The following INTS7 variants were observed in gnomAD, a reference collection of about 807,000 sequenced individuals.
INTS7 encodes the protein integrator complex subunit 7, also known as chromosome 1 open reading frame 73.
In INTS7, 46 loss-of-function variants were observed where a neutral mutation model predicts 109.2. That is an observed-to-expected ratio of 0.42 (90% confidence interval 0.33 to 0.54). The LOEUF (loss-of-function observed/expected upper bound fraction) is 0.54. Ranked by LOEUF, INTS7 falls within the 20% of genes least tolerant of loss-of-function variation. The pLI, the probability that INTS7 is intolerant of heterozygous loss-of-function variation, is 0.07. For missense variants in INTS7, 929 were observed against 1,132.4 expected, an observed-to-expected ratio of 0.82 and a Z score of 2.58; for synonymous variants, 412 against 402.9, an observed-to-expected ratio of 1.02 and a Z score of -0.27.
intron 1 of INTS7, among the ~76,000 whole-genome samples, chr1:212,022,129 C>T (rs1378747236): frequency 6.6e-6 from 1 of 152,102 alleles, no homozygotes; most frequent in Non-Finnish European, 1.5e-5. Context: ...GAATCAACCT[C>T]CACCCTTAAC....
At chr1:211,955,849 C>T (rs1301015905) in intron 16 of INTS7, among the ~76,000 whole-genome samples, 1 of 152,200 alleles carries the variant, frequency 6.6e-6, no homozygotes, top group African/African-American at 2.4e-5. Flanking sequence ...TTCACATTTG[C>T]TGGGCTCCAA....
intron 4 of INTS7, 108 bp downstream of exon 4, chr1:212,016,778 T>A: frequency 1.2e-6 from 1 of 845,794 alleles, no homozygotes; most frequent in South Asian, 1.7e-5. Context: ...CCTTGTAATT[T>A]ACACTTTCCT....
At position 211,946,725 on chromosome 1, in the gene INTS7, A is replaced by T. The variant is rs1662864585; in HGVS notation, c.2317-20T>A. The T allele has an allele frequency of 1.9e-6, 3 of 1,542,258 alleles. No individual in the cohort carries two copies. The highest frequency in any genetic ancestry group is 1.4e-5 in the African/African-American group (1 of 72,598). On this transcript the variant is annotated intron_variant, in intron 17 of 19. Coordinates refer to ENST00000366994, the MANE Select transcript of INTS7 (RefSeq NM_015434.4). The surrounding 1 kb of genome is among the most constrained non-coding windows in gnomAD (Gnocchi z 4.3). ...TGTGTGCTGGGGGAAAAAAGAAACT[A>T]AATCAAATAAAAATAAATTTTCAAA...
At position 212,035,503 on chromosome 1, in the gene INTS7, T is replaced by C; in HGVS notation, c.-66A>G. ...CAAACTCTACCCCAGGACCGCCATC[T>C]TCCCCCGCCGCCTTCTTGCTGGTTT... On this transcript the variant is annotated 5_prime_UTR_variant, in exon 1 of 20. Coordinates refer to ENST00000366994, the MANE Select transcript of INTS7 (RefSeq NM_015434.4). The C allele has an allele frequency of 8.5e-6, 10 of 1,178,316 alleles. No homozygotes were observed. In the South Asian group the frequency reaches 9.7e-5, roughly 11 times the overall value. The allele number at this position is 1,178,316 out of a possible 1,614,324, so 73.0% of individuals were successfully genotyped here. A position where few individuals can be genotyped will look rare whatever the true frequency, so the allele number is the denominator to read the frequency against.
intron 4 of INTS7, among the ~76,000 whole-genome samples, chr1:212,014,653 C>G (rs901419176): frequency 6.8e-6 from 1 of 148,072 alleles, no homozygotes; most frequent in Non-Finnish European, 1.5e-5. Context: ...CTGCCTGATT[C>G]TCCTGCCTCA....
intron 7 of INTS7, among the ~76,000 whole-genome samples, chr1:211,994,025 G>C (rs555777770): frequency 6.6e-6 from 1 of 152,060 alleles, no homozygotes; most frequent in East Asian, 1.9e-4. Flanking sequence ...ATGTGAACCT[G>C]AAATACTAAA....
At chr1:212,009,432 A>G (rs1011528218) in intron 5 of INTS7, among the ~76,000 whole-genome samples, 2 of 152,290 alleles carry the variant, frequency 1.3e-5, no homozygotes, top group Non-Finnish European at 2.9e-5. Flanking sequence ...TTTGGGTTTA[A>G]CCAATGGAGA....
chr1:212,000,346 C>T (rs563970028), intron 7 of INTS7, among the ~76,000 whole-genome samples: 21 of 152,220 alleles, frequency 1.4e-4, no homozygotes, highest in African/African-American at 4.6e-4. Flanking sequence ...AAACAACTAT[C>T]GCTGGAAAAA....
intron 1 of INTS7, among the ~76,000 whole-genome samples, chr1:212,027,312 T>C (rs1390270421): frequency 6.6e-6 from 1 of 152,292 alleles, no homozygotes; most frequent in East Asian, 1.9e-4. Flanking sequence ...CCAGTTCTAG[T>C]ATAAGAGGGG....
In INTS7 at chr1:211,981,129, A is replaced by C. The variant is rs1193489634; in HGVS notation, c.1194T>G (p.Ser398Arg). 5.6e-6 allele frequency: 9 copies of C among 1,613,394 alleles called. No homozygotes were observed. In the Admixed American group the frequency reaches 1.3e-4, roughly 24 times the overall value. Reference protein sequence around the residue: ...FGLESLLVLCSQDDSPGAQAT... With the variant: ...FGLESLLVLCRQDDSPGAQAT... ...CCTGAGCACCTGGACTATCATCTTG[A>C]CTACAAAGTACCAGTAGGGATTCCA... Residue 398 changes from serine to arginine, a missense_variant, in exon 10 of 20, where the codon AGT (serine) becomes AGG (arginine). Coordinates refer to ENST00000366994, the MANE Select transcript of INTS7 (RefSeq NM_015434.4).
chr1:212,005,306 T>C (rs1665855407), intron 7 of INTS7, among the ~76,000 whole-genome samples: 1 of 152,114 alleles, frequency 6.6e-6, no homozygotes, highest in African/African-American at 2.4e-5. Context: ...AAGAAATTAT[T>C]ATCATGAAAG....
intron 2 of INTS7, 32 bp downstream of exon 2, chr1:212,021,051 C>T (rs1666672891): frequency 6.3e-7 from 1 of 1,577,106 alleles, no homozygotes. Flanking sequence ...GAACAAAGTA[C>T]TTTAGGACAT....
chr1:212,033,807 C>A (rs920612129), intron 1 of INTS7, among the ~76,000 whole-genome samples: 2 of 152,038 alleles, frequency 1.3e-5, no homozygotes, highest in Non-Finnish European at 2.9e-5. Context: ...TAAGGCCGGG[C>A]GCGGTGGCTC....
At chr1:211,982,534 G>T in intron 9 of INTS7, 142 bp downstream of exon 9, 1 of 571,124 alleles carries the variant, frequency 1.8e-6, no homozygotes, top group Non-Finnish European at 3.0e-6. Context: ...AAGAACACAT[G>T]CTCTAAGAAC....
intron 16 of INTS7, among the ~76,000 whole-genome samples, chr1:211,958,554 G>A (rs1297295410): frequency 1.3e-5 from 2 of 152,000 alleles, no homozygotes; most frequent in East Asian, 1.9e-4. Context: ...GGCTCTGTGG[G>A]TTTATATGTT....
At chr1:212,007,686 CCTT>C (rs1300904576) in intron 5 of INTS7, among the ~76,000 whole-genome samples, 4 of 152,116 alleles carry the variant, frequency 2.6e-5, no homozygotes, top group Admixed American at 6.6e-5. Flanking sequence ...ATAAAAACTG[CCTT>C]TAAAAAGCAC....
intron 7 of INTS7, among the ~76,000 whole-genome samples, chr1:211,989,032 GT>G (rs1167291860): frequency 6.6e-6 from 1 of 152,052 alleles, no homozygotes; most frequent in Non-Finnish European, 1.5e-5. Context: ...TAACTGTTTT[GT>G]TAAATTAATT....
chr1:212,024,503 C>A (rs1193671825), intron 1 of INTS7, among the ~76,000 whole-genome samples: 1 of 152,138 alleles, frequency 6.6e-6, no homozygotes, highest in Non-Finnish European at 1.5e-5. Context: ...CATAGCAATA[C>A]TACTTTCAGC....
At chr1:211,980,132 C>T (rs1664592663) in intron 10 of INTS7, among the ~76,000 whole-genome samples, 1 of 152,170 alleles carries the variant, frequency 6.6e-6, no homozygotes, top group African/African-American at 2.4e-5. Flanking sequence ...CAAGGGGATT[C>T]TGAGGATCCC....
Sources: allele counts gnomAD v4.1 joint callset (sites outside exome capture counted in the v4.1 genomes callset), GRCh38; gene constraint gnomAD v4.1.1; non-coding constraint Gnocchi (gnomAD v3.1); transcripts MANE v1.5; gene names NCBI Gene and HGNC (gene_info 2026-07-23, HGNC 2026-07-21).